MTMR4: variants seen among roughly 807,000 people sequenced by gnomAD.
MTMR4 encodes the protein myotubularin related protein 4, also known as phosphatidylinositol-3,5-bisphosphate 3-phosphatase MTMR4.
MTMR4 carries 30 observed loss-of-function variants against 125.5 expected under a neutral mutation model. That is an observed-to-expected ratio of 0.24 (90% CI 0.18 to 0.32). The LOEUF (loss-of-function observed/expected upper bound fraction) is 0.32, where lower values mean the gene tolerates loss of function less well. MTMR4 is among the 10% of genes least tolerant of loss of function. MTMR4 has a pLI of 1.00. For synonymous variants in MTMR4, 498 were observed against 564.5 expected, an observed-to-expected ratio of 0.88 and a Z score of 1.67; for missense variants, 1,039 against 1,511.5, an observed-to-expected ratio of 0.69 and a Z score of 5.18.
upstream of MTMR4, chr17:58,514,709 C>G: frequency 1.0e-6 from 1 of 977,152 alleles, no homozygotes; most frequent in Non-Finnish European, 1.2e-6. Context: ...TCCGCGGGCC[C>G]CGCCCACAAG....
intron 14 of MTMR4, among the ~76,000 whole-genome samples, chr17:58,502,099 C>T (rs1286070263): frequency 3.3e-5 from 5 of 151,362 alleles, no homozygotes; most frequent in Non-Finnish European, 1.5e-5. Flanking sequence ...ACAAAGTAAC[C>T]CTACTAAACT....
Position 58,495,697 on chromosome 17 carries a change from G to C in MTMR4, c.2487C>G (p.Cys829Trp), listed in dbSNP as rs915683814. 1.1e-5 allele frequency: 17 copies of C among 1,614,178 alleles called. No individual in the cohort carries two copies. The highest frequency in any genetic ancestry group is 1.4e-5 in the Non-Finnish European group (17 of 1,180,030). Residue 829 changes from cysteine to tryptophan, a missense_variant, in exon 15 of 18, where the codon TGC (cysteine) becomes TGG (tryptophan). Cys to Trp is a radical substitution (Grantham distance 215). Coordinates refer to ENST00000682306, the MANE Select transcript of MTMR4 (RefSeq NM_001378067.1). ...CVLDHSLSTV[C>W]NPPSAACQTP... ...TTTGGCAGGCAGCACTCGGTGGGTT[G>C]CAAACGGTGCTGAGGCTGTGATCAA... is the stretch of plus-strand genomic sequence containing the variant.
Position 58,495,150 on chromosome 17 carries a change from G to A in MTMR4, c.3034C>T (p.Leu1012=), listed in dbSNP as rs746414030. The A allele has an allele frequency of 1.2e-6, 2 of 1,614,266 alleles. No homozygotes were observed. The highest frequency in any genetic ancestry group is 3.3e-5 in the Admixed American group (2 of 60,032). ...KQVSSTKPVP[L]NCPSPVPPLY... is the part of the protein sequence containing the mutation. Reference sequence around the variant, plus strand: ...GGAGGCACTGGAGAAGGGCAGTTCAGTGGAACGGGCTTTGTGCTAGAGACT... The same window carrying A: ...GGAGGCACTGGAGAAGGGCAGTTCAATGGAACGGGCTTTGTGCTAGAGACT... The change falls in exon 15 of 18, where the codon CTG becomes TTG. Residue 1012 remains leucine (L), a synonymous_variant. Transcript: ENST00000682306.
At chr17:58,499,681 G>A (rs62082149) in intron 14 of MTMR4, among the ~76,000 whole-genome samples, 28,994 of 151,098 alleles carry the variant, frequency 0.19, 2,926 homozygotes, top group Non-Finnish European at 0.21. Flanking sequence ...GAGTGCAGTG[G>A]CGCGATCTCT....
rs1486635082 is a variant in MTMR4 at position 58,495,857 on chromosome 17, C to T, written c.2327G>A (p.Ser776Asn). Residue 776 changes from serine to asparagine, a missense_variant, in exon 15 of 18, where the codon AGT becomes AAT. Ser to Asn is a conservative substitution (Grantham distance 46). Coordinates refer to ENST00000682306, the MANE Select transcript of MTMR4 (RefSeq NM_001378067.1). ...GTTAGAAATGACCTTGGAGAGTGCA[C>T]TGACAGCTTCTGTTTCAGGACAATG... ...PEHCPETEAV[S>N]ALSKVISNKC... is the part of the protein sequence containing the mutation. 16 of 1,614,132 alleles carry T rather than the reference C, an allele frequency of 9.9e-6. No individual in the cohort carries two copies.
rs955919608 is a variant in MTMR4, at chr17:58,504,834, G to A, written c.1286C>T (p.Pro429Leu). 6.2e-7 allele frequency: 1 copy of A among 1,613,906 alleles called. No individual in the cohort carries two copies. The highest frequency in any genetic ancestry group is 1.3e-5 in the African/African-American group (1 of 74,918). The change falls in exon 11 of 18, where the codon CCG becomes CTG. Residue 429 changes from proline to leucine, a missense_variant. Coordinates refer to ENST00000682306, the MANE Select transcript of MTMR4 (RefSeq NM_001378067.1). This position sits in a 1 kb window ranked among gnomAD's most constrained non-coding sequence, Gnocchi z 7.1. ...TATTTTGGCCAGGGCTACGATCTGC[G>A]GTGTGCGGTCCCAGCCATCTGAGCA... Reference protein sequence around the residue: ...VHCSDGWDRTPQIVALAKILL... With the variant: ...VHCSDGWDRTLQIVALAKILL...
chr17:58,517,274 C>G (rs577505957), upstream of MTMR4, among the ~76,000 whole-genome samples: 31 of 152,210 alleles, frequency 2.0e-4, no homozygotes, highest in Non-Finnish European at 4.1e-4. Flanking sequence ...CAGCATCTGT[C>G]CAATGAGCCC....
Position 58,495,950 on chromosome 17 carries a change from G to A in MTMR4, c.2234C>T (p.Pro745Leu). Reference protein sequence around the residue: ...EIKVLEETKGPAPDPSAQDEL... With the variant: ...EIKVLEETKGLAPDPSAQDEL... The stretch of plus-strand genomic sequence containing the variant: ...ATCCTGGGCAGAAGGGTCTGGAGCT[G>A]GTCCCTTAGTCTCTTCTAGGACTTT... The change falls in exon 15 of 18, where the codon CCA (proline) becomes CTA (leucine). Residue 745 changes from proline to leucine, a missense_variant. Pro to Leu is a moderately conservative substitution (Grantham distance 98). Transcript: ENST00000682306. 1 of 1,614,150 alleles carries A rather than the reference G, an allele frequency of 6.2e-7. No homozygotes were observed.
chr17:58,508,007 G>C lies in MTMR4; in HGVS notation c.707+154C>G. 1.7e-6 allele frequency: 1 copy of C among 597,686 alleles called. No homozygotes were observed. The highest frequency in any genetic ancestry group is 2.9e-5 in the East Asian group (1 of 34,324). The allele number at this position is 597,686 out of a possible 1,614,324, so 37.0% of individuals were successfully genotyped here. A position where few individuals can be genotyped will look rare whatever the true frequency, so the allele number is the denominator to read the frequency against. On this transcript the variant is annotated intron_variant, in intron 7 of 17. Coordinates refer to ENST00000682306, the MANE Select transcript of MTMR4 (RefSeq NM_001378067.1). This position sits in a 1 kb window ranked among gnomAD's most constrained non-coding sequence, Gnocchi z 4.8. ...CTCCCTAATAGCCTTATTCTTAGGAGAAAAAACTAAGATAGTTTTTGTTTT... is the reference window on the plus strand; with the variant it reads ...CTCCCTAATAGCCTTATTCTTAGGACAAAAAACTAAGATAGTTTTTGTTTT...
At chr17:58,506,972 A>G in intron 8 of MTMR4, 101 bp from the exon 9 acceptor site, 1 of 1,541,944 alleles carries the variant, frequency 6.5e-7, no homozygotes, top group Non-Finnish European at 8.8e-7. Flanking sequence ...GCAACTAGAG[A>G]CCCCTCATAC....
At chr17:58,514,236 C>T (rs1311347515) in intron 1 of MTMR4, 127 bp downstream of exon 1, 4 of 850,948 alleles carry the variant, frequency 4.7e-6, no homozygotes, top group South Asian at 5.4e-5. Flanking sequence ...AACCCACCTT[C>T]CCTGCCCCCC....
chr17:58,504,501 A>G lies in MTMR4; in HGVS notation c.1342-13T>C. 6.2e-7 allele frequency: 1 copy of G among 1,609,430 alleles called. No homozygotes were observed. The highest frequency in any genetic ancestry group is 8.5e-7 in the Non-Finnish European group (1 of 1,177,388). ...ACACTTGGAAGCCCTGCAAAAAAAG[A>G]AACTGTTCAAACATAGGGCCTCTCT... On this transcript the variant is annotated splice_polypyrimidine_tract_variant and intron_variant, in intron 11 of 17. Transcript: ENST00000682306. This position sits in a 1 kb window ranked among gnomAD's most constrained non-coding sequence, Gnocchi z 7.1.
intron 14 of MTMR4, among the ~76,000 whole-genome samples, chr17:58,499,777 C>G (rs1174527606): frequency 1.3e-5 from 2 of 150,264 alleles, no homozygotes; most frequent in African/African-American, 2.5e-5. Context: ...CGCCTGCCAC[C>G]ACGCCCGGCT....
intron 14 of MTMR4, among the ~76,000 whole-genome samples, chr17:58,500,780 C>CTCTCTAGT (rs1975603925): frequency 6.8e-6 from 1 of 148,114 alleles, no homozygotes; most frequent in African/African-American, 2.5e-5. Flanking sequence ...AAGAATTGCT[C>CTCTCTAGT]TCTCTAGTTG....
rs200959034 is a variant in MTMR4, at chr17:58,495,269, C to A, written c.2915G>T (p.Gly972Val). 3 of 1,614,092 alleles carry A rather than the reference C, an allele frequency of 1.9e-6. No individual in the cohort carries two copies. The highest frequency in any genetic ancestry group is 2.5e-6 in the Non-Finnish European group (3 of 1,180,048). Residue 972 changes from glycine to valine, a missense_variant, in exon 15 of 18, where the codon GGT (glycine) becomes GTT (valine). Coordinates refer to ENST00000682306, the MANE Select transcript of MTMR4 (RefSeq NM_001378067.1). Reference protein sequence around the residue: ...CFGGQWAQREGVKSPVCSSHS... With the variant: ...CFGGQWAQREVVKSPVCSSHS... ...ACTAGAACAGACAGGTGACTTCACA[C>A]CTTCTCTCTGAGCCCACTGGCCCCC...
At chr17:58,496,988 C>A (rs1975485690) in intron 14 of MTMR4, among the ~76,000 whole-genome samples, 1 of 152,190 alleles carries the variant, frequency 6.6e-6, no homozygotes, top group African/African-American at 2.4e-5. Flanking sequence ...GCAGTGTGCT[C>A]CTCTGCTTCC....
intron 14 of MTMR4, among the ~76,000 whole-genome samples, chr17:58,502,248 C>T (rs185478211): frequency 6.6e-6 from 1 of 151,452 alleles, no homozygotes; most frequent in South Asian, 2.1e-4. Flanking sequence ...TCTCCACCCC[C>T]CCAGATTCAA....
chr17:58,513,035 A>C (rs1294666465), intron 1 of MTMR4, 94 bp from the exon 2 acceptor site: 13 of 782,126 alleles, frequency 1.7e-5, no homozygotes, highest in Admixed American at 4.7e-5. Flanking sequence ...ACAGATACCC[A>C]CACACACACA....
At chr17:58,513,075 G>A in intron 1 of MTMR4, 134 bp from the exon 2 acceptor site, 1 of 699,308 alleles carries the variant, frequency 1.4e-6, no homozygotes, top group Non-Finnish European at 2.5e-6. Flanking sequence ...CCAGAGAAGG[G>A]AAAAGAGATC....
Sources: allele counts gnomAD v4.1 joint callset (sites outside exome capture counted in the v4.1 genomes callset), GRCh38; gene constraint gnomAD v4.1.1; non-coding constraint Gnocchi (gnomAD v3.1); transcripts MANE v1.5; gene names NCBI Gene and HGNC (gene_info 2026-07-23, HGNC 2026-07-21).